The following STON1 variants were observed in gnomAD, a reference collection of about 807,000 sequenced individuals.
The protein encoded by STON1 is stonin-1.
Under a neutral mutation model 60.9 loss-of-function variants are expected in STON1, and 79 were observed. The ratio of observed to expected loss-of-function variants is 1.30; its 90% CI spans 1.08 to 1.56. STON1 has a LOEUF of 1.56. STON1 is among the 40% of genes most tolerant of loss of function. STON1 has a pLI of 0.00. For synonymous variants in STON1, 363 were observed against 306.9 expected (o/e 1.18, Z -1.91); for missense variants, 1,166 against 858.9 (o/e 1.36, Z -4.47).
chr2:48,574,087 G>A lies in STON1; in HGVS notation c.-47-6500G>A, dbSNP rs7574338. Among the ~76,000 whole-genome samples, 671 of 152,154 alleles carry A rather than the reference G, an allele frequency of 4.4e-3. 8 individuals carry two copies. The highest frequency in any genetic ancestry group is 0.015 in the African/African-American group (641 of 41,510). On this transcript the variant is annotated intron_variant, in intron 1 of 3. Coordinates refer to ENST00000404752, the MANE Select transcript of STON1 (RefSeq NM_006873.4). ...ATTATTGGGATGAAAAGAATGTTGT[G>A]GAATTTGGCCAGGTGCAGTGGCTCA...
At chr2:48,561,672 G>A (rs1432406120) in intron 1 of STON1, among the ~76,000 whole-genome samples, 2 of 152,118 alleles carry the variant, frequency 1.3e-5, no homozygotes, top group African/African-American at 2.4e-5. Flanking sequence ...ATTCCTGATT[G>A]TCAGTTGTGA....
intron 1 of STON1, among the ~76,000 whole-genome samples, chr2:48,576,074 G>A (rs1171307934): frequency 6.7e-6 from 1 of 150,340 alleles, no homozygotes; most frequent in Non-Finnish European, 1.5e-5. Context: ...TTAATTTTTT[G>A]AGGGCCTTCC....
chr2:48,538,763 A>ATTT (rs34052598), intron 1 of STON1, among the ~76,000 whole-genome samples: 11 of 86,368 alleles, frequency 1.3e-4, no homozygotes, highest in South Asian at 4.3e-4. Context: ...ACACCCAGCT[A>ATTT]TTTTTTTTTT....
intron 1 of STON1, among the ~76,000 whole-genome samples, chr2:48,546,616 C>G (rs183067930): frequency 1.3e-5 from 2 of 152,306 alleles, no homozygotes; most frequent in East Asian, 3.9e-4. Flanking sequence ...AGAATTGTCT[C>G]CTAGACAGAA....
chr2:48,564,455 C>A (rs1256045877), intron 1 of STON1, among the ~76,000 whole-genome samples: 25 of 53,580 alleles, frequency 4.7e-4, no homozygotes, highest in African/African-American at 1.6e-3. Context: ...TCTTCTTCTT[C>A]TTCTTCTTCT....
intron 1 of STON1, among the ~76,000 whole-genome samples, chr2:48,536,977 C>G (rs1199672529): frequency 2.0e-5 from 3 of 151,932 alleles, no homozygotes; most frequent in Admixed American, 6.6e-5. Context: ...GTTTTTTTAC[C>G]CAGCATCCCA....
At chr2:48,539,130 C>A (rs761497128) in intron 1 of STON1, among the ~76,000 whole-genome samples, 1 of 152,084 alleles carries the variant, frequency 6.6e-6, no homozygotes, top group African/African-American at 2.4e-5. Context: ...GTTGACCAGA[C>A]TGGTCTGAAA....
At chr2:48,543,122 C>T (rs1671725273) in intron 1 of STON1, among the ~76,000 whole-genome samples, 1 of 151,752 alleles carries the variant, frequency 6.6e-6, no homozygotes, top group African/African-American at 2.4e-5. Flanking sequence ...TTACAGGCAC[C>T]TGCTACCATG....
chr2:48,586,487 G>C (rs1348007877), intron 2 of STON1, among the ~76,000 whole-genome samples: 2 of 152,192 alleles, frequency 1.3e-5, no homozygotes, highest in Non-Finnish European at 2.9e-5. Context: ...CCAGAGGAAA[G>C]GGTAATAAAC....
Position 48,581,723 on chromosome 2 carries a change from A to G in STON1, c.1090A>G (p.Thr364Ala). 6.2e-7 allele frequency: 1 copy of G among 1,611,526 alleles called. No individual in the cohort carries two copies. Among genetic ancestry groups the G allele is most frequent in the Non-Finnish European group, 8.5e-7 (1 of 1,179,366 alleles). Residue 364 changes from threonine to alanine, a missense_variant, in exon 2 of 4, where the codon ACA (threonine) becomes GCA (alanine). Physicochemically the swap from Thr to Ala is moderately conservative, Grantham distance 58. Coordinates refer to ENST00000404752, the MANE Select transcript of STON1 (RefSeq NM_006873.4). Reference sequence around the variant, plus strand: ...AGAAAAAAGGAAATACCATTCTAAGACAGAAGTAGTTCATGAACCTGACAT... The same window carrying G: ...AGAAAAAAGGAAATACCATTCTAAGGCAGAAGTAGTTCATGAACCTGACAT... Reference protein sequence around the residue: ...YTEKRKYHSKTEVVHEPDIEQ... With the variant: ...YTEKRKYHSKAEVVHEPDIEQ...
intron 1 of STON1, among the ~76,000 whole-genome samples, chr2:48,552,011 G>C (rs766216901): frequency 6.6e-6 from 1 of 152,218 alleles, no homozygotes; most frequent in Admixed American, 6.5e-5. Context: ...GACATCTGCC[G>C]TGGGAACCCA....
intron 1 of STON1, among the ~76,000 whole-genome samples, chr2:48,570,912 G>C (rs1673175208): frequency 7.0e-6 from 1 of 142,346 alleles, no homozygotes; most frequent in Non-Finnish European, 1.5e-5. Context: ...CCCCAGGCTG[G>C]AGTGCAGTGG....
intron 1 of STON1, among the ~76,000 whole-genome samples, chr2:48,577,766 C>A (rs928397520): frequency 2.0e-5 from 3 of 151,184 alleles, no homozygotes; most frequent in African/African-American, 4.9e-5. Flanking sequence ...CAGGCGTCCA[C>A]CACCACTCCC....
At chr2:48,565,070 T>A (rs1276118880) in intron 1 of STON1, among the ~76,000 whole-genome samples, 10 of 101,630 alleles carry the variant, frequency 9.8e-5, no homozygotes, top group Admixed American at 9.7e-4. Flanking sequence ...TTTTTTTTTA[T>A]AAGAAGGAGT....
At chr2:48,530,633 C>G (rs2103715308) in intron 1 of STON1, 2 of 153,218 alleles carry the variant, frequency 1.3e-5, no homozygotes, top group Middle Eastern at 6.4e-3. Flanking sequence ...CTCTGTGTCT[C>G]TCTCCCGCTC....
rs58402206 is a variant in STON1 at position 48,542,936 on chromosome 2, T to C, written c.-48+12720T>C. Among the ~76,000 whole-genome samples the C allele has an allele frequency of 1.2e-3, 184 of 151,656 alleles. 1 individual carries two copies. Among genetic ancestry groups the C allele is most frequent in the African/African-American group, 4.1e-3 (169 of 41,378 alleles). On this transcript the variant is annotated intron_variant, in intron 1 of 3. Transcript: ENST00000404752. ...AAAGAAGGTCTAATCAGAGACACTT[T>C]TGGGGAGTGGCCGTGGTTACTCCTA... is the stretch of plus-strand genomic sequence containing the variant.
chr2:48,583,268 T>A (rs936559697), intron 2 of STON1, among the ~76,000 whole-genome samples: 1 of 152,052 alleles, frequency 6.6e-6, no homozygotes, highest in Non-Finnish European at 1.5e-5. Context: ...TTTTGTTTTT[T>A]AGTAGAGACG....
At position 48,554,721 on chromosome 2, in the gene STON1, T is replaced by A. The variant is rs1224181782; in HGVS notation, c.-48+24505T>A. Among the ~76,000 whole-genome samples the A allele has an allele frequency of 8.8e-4, 53 of 60,508 alleles. 15 individuals are homozygous for A. In the East Asian group the frequency reaches 0.023, roughly 27 times the overall value. The allele number at this position is 60,508 out of a possible 152,430, so 39.7% of individuals were successfully genotyped here. A position where few individuals can be genotyped will look rare whatever the true frequency, so the allele number is the denominator to read the frequency against. On this transcript the variant is annotated intron_variant, in intron 1 of 3. Coordinates refer to ENST00000404752, the MANE Select transcript of STON1 (RefSeq NM_006873.4). Reference sequence around the variant, plus strand: ...TTAAGTGCAAAATTTTTTTTTTTTTTTTTTATTTATTTATTTATTTTTTTA... The same window carrying A: ...TTAAGTGCAAAATTTTTTTTTTTTTATTTTATTTATTTATTTATTTTTTTA...
At chr2:48,562,436 C>G (rs1248423008) in intron 1 of STON1, among the ~76,000 whole-genome samples, 1 of 152,204 alleles carries the variant, frequency 6.6e-6, no homozygotes, top group Non-Finnish European at 1.5e-5. Flanking sequence ...GATTTGAACA[C>G]CCTGCCCATA....
Sources: allele counts gnomAD v4.1 joint callset (sites outside exome capture counted in the v4.1 genomes callset), GRCh38; gene constraint gnomAD v4.1.1; transcripts MANE v1.5; gene names NCBI Gene and HGNC (gene_info 2026-07-23, HGNC 2026-07-21).